Variants in LRRC31 observed in about 807,000 individuals in gnomAD.
LRRC31 encodes leucine-rich repeat-containing protein 31.
LRRC31 carries 35 observed loss-of-function variants against 46.7 expected under a neutral mutation model. That is an observed-to-expected ratio of 0.75 (90% CI 0.57 to 0.99). The LOEUF (loss-of-function observed/expected upper bound fraction) is 0.99, where lower values mean the gene tolerates loss of function less well. Ranked by LOEUF, LRRC31 falls within the 50% of genes least tolerant of loss-of-function variation. The pLI, the probability that LRRC31 is intolerant of heterozygous loss-of-function variation, is 0.00. For missense variants in LRRC31, 613 were observed against 626.1 expected, an observed-to-expected ratio of 0.98 and a Z score of 0.22; for synonymous variants, 236 against 235.1, an observed-to-expected ratio of 1.00 and a Z score of -0.03.
At chr3:169,859,191 A>C (rs1187244468) in intron 3 of LRRC31, among the ~76,000 whole-genome samples, 1 of 151,022 alleles carries the variant, frequency 6.6e-6, no homozygotes, top group African/African-American at 2.4e-5. Flanking sequence ...GCTACTTGGG[A>C]GGCTGAGGCA....
At chr3:169,852,416 A>AC (rs1402096991) in intron 6 of LRRC31, among the ~76,000 whole-genome samples, 4 of 115,686 alleles carry the variant, frequency 3.5e-5, no homozygotes. Flanking sequence ...AAAAAAAAAA[A>AC]AAAAAAAAAA....
intron 3 of LRRC31, among the ~76,000 whole-genome samples, chr3:169,858,157 G>A (rs1017172903): frequency 6.6e-6 from 1 of 152,202 alleles, no homozygotes; most frequent in African/African-American, 2.4e-5. Context: ...TTAAGGTTGA[G>A]TGAAGAAGAT....
intron 3 of LRRC31, among the ~76,000 whole-genome samples, chr3:169,857,339 TATATATACACACACAC>T (rs1655437762): frequency 5.3e-5 from 6 of 112,402 alleles, no homozygotes; most frequent in African/African-American, 1.9e-4. Flanking sequence ...TATATATATA[TATATATACACACACAC>T]ACACACACAC....
chr3:169,851,026 TG>T (rs1364594931), intron 7 of LRRC31, among the ~76,000 whole-genome samples: 1 of 152,112 alleles, frequency 6.6e-6, no homozygotes, highest in Non-Finnish European at 1.5e-5. Context: ...GGTATATCTG[TG>T]ACCTTAAGGC....
chr3:169,853,410 G>A, intron 6 of LRRC31: 2 of 985,346 alleles, frequency 2.0e-6, no homozygotes, highest in Non-Finnish European at 2.4e-6. Flanking sequence ...GTTTTCCAGG[G>A]CCATTCACCC....
At chr3:169,845,799 G>A (rs557001012) in intron 8 of LRRC31, among the ~76,000 whole-genome samples, 3 of 151,652 alleles carry the variant, frequency 2.0e-5, no homozygotes, top group African/African-American at 4.8e-5. Context: ...TTTGCAAAAC[G>A]CTCTAAGATG....
In LRRC31 at chr3:169,839,181, C is replaced by T. The variant is rs765426813; in HGVS notation, c.*801G>A. ...TAGAGCAACACAAAACTGTCATTAA[C>T]GAATTAAATTAGTTTTATGAAGCAA... is the stretch of plus-strand genomic sequence containing the variant. On this transcript the variant is annotated 3_prime_UTR_variant, in exon 9 of 9. Coordinates refer to ENST00000316428, the MANE Select transcript of LRRC31 (RefSeq NM_024727.4). 8 of 152,264 alleles carry T rather than the reference C, an allele frequency of 5.3e-5. No homozygotes were observed. Among genetic ancestry groups the T allele is most frequent in the Admixed American group, 4.6e-4 (7 of 15,302 alleles). The allele number at this position is 152,264 out of a possible 1,614,324, so 9.4% of individuals were successfully genotyped here. A position where few individuals can be genotyped will look rare whatever the true frequency, so the allele number is the denominator to read the frequency against.
intron 3 of LRRC31, among the ~76,000 whole-genome samples, chr3:169,858,047 C>T (rs79319749): frequency 0.017 from 2,514 of 152,184 alleles, 22 homozygotes; most frequent in Non-Finnish European, 0.025. Context: ...ATTTGCCACT[C>T]GGTACTAAAC....
intron 1 of LRRC31, among the ~76,000 whole-genome samples, chr3:169,863,049 A>T (rs956114494): frequency 1.3e-5 from 2 of 151,732 alleles, no homozygotes; most frequent in Admixed American, 6.6e-5. Flanking sequence ...CGCCCGGCTA[A>T]TTTTTGTATT....
chr3:169,862,162 G>T (rs1187411389), intron 1 of LRRC31, among the ~76,000 whole-genome samples: 1 of 152,146 alleles, frequency 6.6e-6, no homozygotes, highest in Non-Finnish European at 1.5e-5. Flanking sequence ...GCATATCTTT[G>T]GTGGATGCAA....
intron 3 of LRRC31, among the ~76,000 whole-genome samples, chr3:169,857,253 A>G (rs1048011856): frequency 1.4e-5 from 2 of 147,728 alleles, no homozygotes; most frequent in Admixed American, 6.9e-5. Flanking sequence ...GATAGAAGTG[A>G]GGCAAAGCAG....
chr3:169,852,427 A>AC (rs1371048380), intron 6 of LRRC31, among the ~76,000 whole-genome samples: 2,229 of 134,256 alleles, frequency 0.017, 238 homozygotes, highest in African/African-American at 0.049. Context: ...AAAAAAAAAA[A>AC]AAAACTCTTA....
chr3:169,844,656 G>A (rs1346518099), intron 8 of LRRC31, among the ~76,000 whole-genome samples: 3 of 152,110 alleles, frequency 2.0e-5, no homozygotes, highest in African/African-American at 4.8e-5. Context: ...TCTCTAGGCC[G>A]GGCACAGTGG....
chr3:169,857,367 C>CGTATATATAT (rs1780994140), intron 3 of LRRC31, among the ~76,000 whole-genome samples: 1 of 112,936 alleles, frequency 8.9e-6, no homozygotes. Context: ...CACACACACA[C>CGTATATATAT]ACAAGTATAT....
intron 7 of LRRC31, among the ~76,000 whole-genome samples, chr3:169,850,489 A>G (rs1373784600): frequency 6.6e-6 from 1 of 152,214 alleles, no homozygotes; most frequent in Admixed American, 6.5e-5. Context: ...GTATGCTTGA[A>G]GGGGTGCCTG....
chr3:169,857,318 CTATATATATATATATATA>C (rs34162537), intron 3 of LRRC31, among the ~76,000 whole-genome samples: 3 of 66,466 alleles, frequency 4.5e-5, no homozygotes, highest in African/African-American at 1.1e-4. Flanking sequence ...TATCACATGC[CTATATATATATATATATA>C]TATATATATA....
intron 6 of LRRC31, among the ~76,000 whole-genome samples, chr3:169,854,288 T>C (rs1031302286): frequency 2.6e-5 from 4 of 152,242 alleles, no homozygotes; most frequent in Non-Finnish European, 4.4e-5. Flanking sequence ...TGCTCTGTTA[T>C]GGGAAATTGC....
chr3:169,862,223 G>A (rs1371855068), intron 1 of LRRC31, among the ~76,000 whole-genome samples: 1 of 152,236 alleles, frequency 6.6e-6, no homozygotes, highest in African/African-American at 2.4e-5. Flanking sequence ...AACAGGTGAA[G>A]AAGGGAAAGC....
At chr3:169,861,910 C>T in intron 1 of LRRC31, 97 bp from the exon 2 acceptor site, 8 of 1,262,614 alleles carry the variant, frequency 6.3e-6, no homozygotes, top group Non-Finnish European at 8.8e-6. Context: ...CTGCATAACT[C>T]TGAATTGCTC....
Sources: gnomAD v4.1 joint callset for allele counts (sites outside exome capture counted in the v4.1 genomes callset) on GRCh38, gnomAD v4.1.1 for gene constraint, MANE v1.5 for transcripts, NCBI Gene and HGNC (gene_info 2026-07-23, HGNC 2026-07-21) for gene names.